Variants in FADS2 observed in about 807,000 individuals in gnomAD.
The protein encoded by FADS2 is acyl-CoA 6-desaturase.
Under a neutral mutation model 61.2 loss-of-function variants are expected in FADS2, and 18 were observed. The ratio of observed to expected loss-of-function variants is 0.29; its 90% CI spans 0.20 to 0.44. FADS2 has a LOEUF of 0.44. Among genes scored for constraint, FADS2 ranks in the 20% least tolerant of loss-of-function variants. FADS2 has a pLI of 1.00. For synonymous variants in FADS2, 203 were observed against 223.9 expected (o/e 0.91, Z 0.83); for missense variants, 322 against 572.7 (o/e 0.56, Z 4.47).
chr11:61,822,258 C>T (rs992319120), intron 1 of FADS2, among the ~76,000 whole-genome samples: 3 of 152,182 alleles, frequency 2.0e-5, no homozygotes, highest in African/African-American at 4.8e-5. Context: ...CGTGAGCCAC[C>T]GCGCCCGGCC....
At chr11:61,850,071 A>C (rs745327806) in intron 5 of FADS2, among the ~76,000 whole-genome samples, 8 of 152,092 alleles carry the variant, frequency 5.3e-5, no homozygotes, top group Non-Finnish European at 1.2e-4. Flanking sequence ...TCTACCTTGT[A>C]TCCTGCAACT....
chr11:61,859,654 C>T (rs2067396121), intron 7 of FADS2, among the ~76,000 whole-genome samples: 1 of 152,178 alleles, frequency 6.6e-6, no homozygotes, highest in African/African-American at 2.4e-5. Flanking sequence ...CATGTTACAC[C>T]CTCTCCTTGC....
chr11:61,858,863 G>A (rs1194077925), intron 7 of FADS2, among the ~76,000 whole-genome samples: 3 of 152,254 alleles, frequency 2.0e-5, no homozygotes, highest in Non-Finnish European at 2.9e-5. Context: ...GATTACAGGC[G>A]TGAGCCACTG....
rs916699205 is a variant in FADS2 at position 61,828,341 on chromosome 11, G to T, written c.-50G>T. 2.6e-6 allele frequency: 4 copies of T among 1,541,424 alleles called. No homozygotes were observed. The highest frequency in any genetic ancestry group is 2.7e-5 in the African/African-American group (2 of 72,900). ...GAGGCAGCCGTCTGTGCAGCGAGCA[G>T]CCGGCGCGGGGAGGCCGCAGTGCAC... On this transcript the variant is annotated 5_prime_UTR_variant, in exon 1 of 12. Transcript: ENST00000278840. This position sits in a 1 kb window ranked among gnomAD's most constrained non-coding sequence, Gnocchi z 6.4.
intron 4 of FADS2, among the ~76,000 whole-genome samples, chr11:61,843,096 G>T (rs186559329): frequency 6.6e-6 from 1 of 152,328 alleles, no homozygotes; most frequent in Admixed American, 6.5e-5. Flanking sequence ...CGATTCTGAG[G>T]TTAAAACTCT....
intron 4 of FADS2, among the ~76,000 whole-genome samples, chr11:61,845,899 A>G (rs2067254621): frequency 6.6e-6 from 1 of 151,730 alleles, no homozygotes; most frequent in African/African-American, 2.4e-5. Flanking sequence ...TGCCCACCTC[A>G]CTGCCTCCTT....
chr11:61,824,459 G>GGAGAGAGAGA (rs1157000186), upstream of FADS2, among the ~76,000 whole-genome samples: 8 of 5,860 alleles, frequency 1.4e-3, no homozygotes, highest in African/African-American at 4.4e-3. Context: ...AGGGAGGGAG[G>GGAGAGAGAGA]GAGAGAGAGA....
chr11:61,862,696 C>A (rs1283807490), intron 7 of FADS2: 4 of 458,912 alleles, frequency 8.7e-6, no homozygotes, highest in African/African-American at 5.9e-5. Flanking sequence ...CCCACCCCTA[C>A]CCCATGGCTG....
Position 61,837,780 on chromosome 11 carries a change from T to TGCCTTCCGC in FADS2, c.218_226dup (p.Arg73_Phe75dup). 1.2e-6 allele frequency: 2 copies of TGCCTTCCGC among 1,609,200 alleles called. No homozygotes were observed. Among genetic ancestry groups the TGCCTTCCGC allele is most frequent in the Non-Finnish European group, 1.7e-6 (2 of 1,177,382 alleles). ...CATCACTGCCCTCTGCTCTCCAGGA[T>TGCCTTCCGC]GCCTTCCGCGCCTTCCACCCTGACC... On this transcript the variant is annotated inframe_insertion, in exon 2 of 12. Transcript: ENST00000278840.
intron 7 of FADS2, 43 bp from the exon 8 acceptor site, chr11:61,862,929 A>G: frequency 6.6e-7 from 1 of 1,514,800 alleles, no homozygotes; most frequent in Non-Finnish European, 9.2e-7. Flanking sequence ...GTGCCAGGGC[A>G]GAGGAGAGGG....
At chr11:61,858,041 G>A (rs1346148728) in intron 7 of FADS2, among the ~76,000 whole-genome samples, 1 of 152,184 alleles carries the variant, frequency 6.6e-6, no homozygotes, top group Non-Finnish European at 1.5e-5. Context: ...TGTTAGCAGG[G>A]TGGATTCCTT....
rs554075323 is a variant in FADS2, at chr11:61,847,988, G to T, written c.619-171G>T. The T allele has an allele frequency of 4.5e-6, 3 of 672,230 alleles. No homozygotes were observed. In the East Asian group the frequency reaches 8.4e-5, roughly 19 times the overall value. 41.6% of individuals were successfully genotyped at this position (672,230 alleles called of 1,614,324 possible). ...TGACTTCACTCCATCTGGGGCTGGC[G>T]CATGCTCTGAGCTCAGTCATGGCAG... On this transcript the variant is annotated intron_variant, in intron 4 of 11. Coordinates refer to ENST00000278840, the MANE Select transcript of FADS2 (RefSeq NM_004265.4).
At position 61,816,981 on chromosome 11, in the gene FADS2, G is replaced by A; in HGVS notation, c.141+555G>A. On this transcript the variant is annotated intron_variant, in intron 1 of 11. Transcript: ENST00000257261. The surrounding 1 kb of genome is among the most constrained non-coding windows in gnomAD (Gnocchi z 7.0). ...GAGATCCCGTCCCCCGGTGGGTCTT[G>A]GGCAACTCACAGCTGGGCTGCCAAC... is the stretch of plus-strand genomic sequence containing the variant. 7.4e-7 allele frequency: 1 copy of A among 1,351,728 alleles called. No homozygotes were observed. The highest frequency in any genetic ancestry group is 1.8e-5 in the South Asian group (1 of 55,116). The allele number at this position is 1,351,728 out of a possible 1,614,324, so 83.7% of individuals were successfully genotyped here.
At chr11:61,824,527 G>GAAAGAA (rs2067067468), upstream of FADS2, among the ~76,000 whole-genome samples, 1 of 147,110 alleles carries the variant, frequency 6.8e-6, no homozygotes, top group Non-Finnish European at 1.5e-5. Context: ...AAGAAAGAAA[G>GAAAGAA]AAAAATCACT....
chr11:61,854,470 C>G (rs1381484015), intron 5 of FADS2: 1 of 152,316 alleles, frequency 6.6e-6, no homozygotes, highest in East Asian at 1.9e-4. Flanking sequence ...CTGTCCGAAC[C>G]CAAACCATCT....
rs1202372599 is a variant in FADS2, at chr11:61,828,322, G to A, written c.-69G>A. On this transcript the variant is annotated 5_prime_UTR_variant, in exon 1 of 12. Transcript: ENST00000278840. This position sits in a 1 kb window ranked among gnomAD's most constrained non-coding sequence, Gnocchi z 6.4. ...GGCTGCACACACCGGCTGGGAGGCA[G>A]CCGTCTGTGCAGCGAGCAGCCGGCG... 1.3e-6 allele frequency: 2 copies of A among 1,526,714 alleles called. No homozygotes were observed. The highest frequency in any genetic ancestry group is 4.0e-5 in the Admixed American group (2 of 49,784). The allele number at this position is 1,526,714 out of a possible 1,614,324, so 94.6% of individuals were successfully genotyped here. A position where few individuals can be genotyped will look rare whatever the true frequency, so the allele number is the denominator to read the frequency against.
At position 61,816,860 on chromosome 11, in the gene FADS2, C is replaced by T. The variant is rs2066990265; in HGVS notation, c.141+434C>T. The stretch of plus-strand genomic sequence containing the variant: ...TGGATTTGCTGGCGCGCGCCCAGAG[C>T]CAGCCGCCTGCGCGCCGGGTTTTCA... On this transcript the variant is annotated intron_variant, in intron 1 of 11. Transcript: ENST00000257261. This position sits in a 1 kb window ranked among gnomAD's most constrained non-coding sequence, Gnocchi z 7.0. 1 of 1,480,626 alleles carries T rather than the reference C, an allele frequency of 6.8e-7. No homozygotes were observed. The highest frequency in any genetic ancestry group is 2.8e-5 in the East Asian group (1 of 35,466). 91.7% of individuals were successfully genotyped at this position (1,480,626 alleles called of 1,614,324 possible). A position where few individuals can be genotyped will look rare whatever the true frequency, so the allele number is the denominator to read the frequency against.
intron 5 of FADS2, among the ~76,000 whole-genome samples, chr11:61,853,290 C>CCCTTCCTTCCTT (rs59872671): frequency 0.19 from 15,615 of 81,520 alleles, 2,068 homozygotes; most frequent in South Asian, 0.45. Flanking sequence ...CTCCCTCCCT[C>CCCTTCCTTCCTT]CCTTCCTTCC....
intron 6 of FADS2, 57 bp downstream of exon 6, chr11:61,857,128 G>A (rs1264958467): frequency 2.1e-5 from 29 of 1,406,838 alleles, no homozygotes; most frequent in East Asian, 9.1e-5. Flanking sequence ...CCAGAGTGGC[G>A]TGTCTCTCCC....
Sources: allele counts gnomAD v4.1 joint callset (sites outside exome capture counted in the v4.1 genomes callset), GRCh38; gene constraint gnomAD v4.1.1; non-coding constraint Gnocchi (gnomAD v3.1); transcripts MANE v1.5; gene names NCBI Gene and HGNC (gene_info 2026-07-23, HGNC 2026-07-21).